VPS13B: variants seen among roughly 807,000 people sequenced by gnomAD.
The protein encoded by VPS13B is vacuolar protein sorting 13 homolog B, also known as intermembrane lipid transfer protein VPS13B.
A neutral mutation model predicts 426.4 loss-of-function variants in VPS13B; 285 were observed. The ratio of observed to expected loss-of-function variants is 0.67; its 90% CI spans 0.61 to 0.74. The LOEUF is 0.74. Ranked by LOEUF, VPS13B falls within the 30% of genes least tolerant of loss-of-function variation. VPS13B has a pLI of 0.00. For synonymous variants in VPS13B, 1,676 were observed against 1,676.4 expected (o/e 1.00, Z 0.01); for missense variants, 4,537 against 4,782.6 (o/e 0.95, Z 1.51).
chr8:99,784,644 T>C (rs746231525), intron 43 of VPS13B, among the ~76,000 whole-genome samples, 168 bp downstream of exon 43: 1 of 152,110 alleles, frequency 6.6e-6, no homozygotes, highest in Non-Finnish European at 1.5e-5. Context: ...GAGCACACGC[T>C]TCTCTTGGAA....
intron 39 of VPS13B, among the ~76,000 whole-genome samples, chr8:99,737,992 C>T (rs1833915741): frequency 6.6e-6 from 1 of 152,182 alleles, no homozygotes; most frequent in South Asian, 2.1e-4. Context: ...AGAGAGATGA[C>T]CAATTTGGTT....
chr8:99,828,373 G>A (rs1357717517), intron 51 of VPS13B, among the ~76,000 whole-genome samples: 1 of 116,206 alleles, frequency 8.6e-6, no homozygotes, highest in African/African-American at 3.2e-5. Flanking sequence ...TGTTTTATCA[G>A]AGACTAGGAT....
chr8:99,134,422 A>C (rs981321491), intron 8 of VPS13B, among the ~76,000 whole-genome samples: 3 of 152,126 alleles, frequency 2.0e-5, no homozygotes, highest in Non-Finnish European at 4.4e-5. Flanking sequence ...AAAGTATTTA[A>C]ATTCTCTATA....
rs1211028912 is a variant in VPS13B at position 99,014,110 on chromosome 8, C to CTTTTTTTTTTTTTTTTTTTTTTTTTTTT, written c.147+200_147+201insTTTTTTTTTTTTTTTTTTTTTTTTTTTT. On this transcript the variant is annotated intron_variant, in intron 2 of 61. Coordinates refer to ENST00000357162, the MANE Select transcript of VPS13B (RefSeq NM_152564.5). Reference sequence around the variant, plus strand: ...TACACTATTTTCTTTTTCTTTCTTTCTTTTTTTTTTTTTTTTTTTTTTTTT... The same window carrying CTTTTTTTTTTTTTTTTTTTTTTTTTTTT: ...TACACTATTTTCTTTTTCTTTCTTTCTTTTTTTTTTTTTTTTTTTTTTTTTTTTTTTTTTTTTTTTTTTTTTTTTTTTT... 3.0e-4 allele frequency among the ~76,000 whole-genome samples: 22 copies of CTTTTTTTTTTTTTTTTTTTTTTTTTTTT among 72,292 alleles called. 3 individuals are homozygous for CTTTTTTTTTTTTTTTTTTTTTTTTTTTT. Among genetic ancestry groups the CTTTTTTTTTTTTTTTTTTTTTTTTTTTT allele is most frequent in the Non-Finnish European group, 4.3e-4 (17 of 39,098 alleles). The allele number at this position is 72,292 out of a possible 152,430, so 47.4% of individuals were successfully genotyped here.
chr8:99,797,483 C>T (rs1812906781), intron 43 of VPS13B, among the ~76,000 whole-genome samples: 1 of 152,176 alleles, frequency 6.6e-6, no homozygotes. Context: ...AAATTGTCAA[C>T]ACTGTTCTTT....
chr8:99,050,015 T>G (rs898743779), intron 3 of VPS13B, among the ~76,000 whole-genome samples: 5 of 151,808 alleles, frequency 3.3e-5, no homozygotes, highest in African/African-American at 1.2e-4. Context: ...TTTTAACTTT[T>G]GTATTTTTAT....
chr8:99,576,500 CAA>C (rs555633296), intron 32 of VPS13B, among the ~76,000 whole-genome samples: 4 of 142,942 alleles, frequency 2.8e-5, no homozygotes, highest in Non-Finnish European at 6.2e-5. Flanking sequence ...ATTGTTTAAC[CAA>C]AAAAAAAAGG....
chr8:99,450,959 T>C (rs1345747743), intron 23 of VPS13B, among the ~76,000 whole-genome samples: 1 of 152,168 alleles, frequency 6.6e-6, no homozygotes, highest in African/African-American at 2.4e-5. Flanking sequence ...TTTGGTATAT[T>C]GCATCTGTTA....
chr8:99,322,443 G>A (rs1047984705), intron 19 of VPS13B, among the ~76,000 whole-genome samples: 2 of 152,018 alleles, frequency 1.3e-5, no homozygotes, highest in Non-Finnish European at 2.9e-5. Flanking sequence ...TGTTGCTCTG[G>A]AGGCATGAAT....
At chr8:99,291,428 C>T (rs909146908) in intron 19 of VPS13B, among the ~76,000 whole-genome samples, 6 of 152,096 alleles carry the variant, frequency 3.9e-5, no homozygotes, top group African/African-American at 1.4e-4. Flanking sequence ...TTCACCATTA[C>T]GTGAAACAGC....
chr8:99,215,896 G>T (rs1261388439), intron 17 of VPS13B, among the ~76,000 whole-genome samples: 2 of 152,168 alleles, frequency 1.3e-5, no homozygotes, highest in African/African-American at 4.8e-5. Context: ...TCAAGGTCCA[G>T]CTTTCCAAGC....
chr8:99,406,274 A>G (rs1250259981), intron 21 of VPS13B, among the ~76,000 whole-genome samples: 3 of 150,118 alleles, frequency 2.0e-5, no homozygotes, highest in African/African-American at 4.9e-5. Flanking sequence ...CAAGGGCTAT[A>G]TGTGAATTGT....
chr8:99,267,390 C>T (rs546089025), intron 17 of VPS13B, among the ~76,000 whole-genome samples: 1 of 152,104 alleles, frequency 6.6e-6, no homozygotes, highest in East Asian at 1.9e-4. Flanking sequence ...CAAGAGTAGG[C>T]AGAACATAAA....
chr8:99,737,440 T>A (rs1455513771), intron 39 of VPS13B, among the ~76,000 whole-genome samples: 1 of 152,270 alleles, frequency 6.6e-6, no homozygotes, highest in South Asian at 2.1e-4. Flanking sequence ...GATGTGGTGA[T>A]AGGGTCCCAA....
chr8:99,846,437 C>T lies in VPS13B; in HGVS notation c.9943-2339C>T, dbSNP rs147635169. Among the ~76,000 whole-genome samples the T allele has an allele frequency of 3.2e-4, 48 of 152,282 alleles. No homozygotes were observed. In the East Asian group the frequency reaches 9.3e-3, roughly 29 times the overall value. On this transcript the variant is annotated intron_variant, in intron 54 of 61. Coordinates refer to ENST00000357162, the MANE Select transcript of VPS13B (RefSeq NM_152564.5). ...TTGTCAAGTAATTGATTGTTCAAAC[C>T]ATTAGACCAAGATAAGGATTTACTT...
At chr8:99,490,818 G>A (rs1199820701) in intron 25 of VPS13B, among the ~76,000 whole-genome samples, 5 of 151,972 alleles carry the variant, frequency 3.3e-5, no homozygotes, top group Non-Finnish European at 5.9e-5. Context: ...CTTGCTAGTG[G>A]TCTATCTACT....
intron 38 of VPS13B, 103 bp downstream of exon 38, chr8:99,720,655 C>G: frequency 1.5e-6 from 2 of 1,336,464 alleles, no homozygotes; most frequent in Middle Eastern, 1.8e-4. Flanking sequence ...TTTTAAAGTG[C>G]GTTAAAATTT....
chr8:99,683,149 TA>T (rs1831224820), intron 35 of VPS13B, among the ~76,000 whole-genome samples: 1 of 152,174 alleles, frequency 6.6e-6, no homozygotes, highest in Non-Finnish European at 1.5e-5. Context: ...GCACCTATTT[TA>T]AAAATCAACT....
At chr8:99,069,467 G>T (rs1328089821) in intron 3 of VPS13B, among the ~76,000 whole-genome samples, 6 of 152,156 alleles carry the variant, frequency 3.9e-5, no homozygotes, top group African/African-American at 1.4e-4. Flanking sequence ...AGAGACAAAA[G>T]AACAAGTTAA....
Sources: allele counts gnomAD v4.1 joint callset (sites outside exome capture counted in the v4.1 genomes callset), GRCh38; gene constraint gnomAD v4.1.1; transcripts MANE v1.5; gene names NCBI Gene and HGNC (gene_info 2026-07-23, HGNC 2026-07-21).